Variants in TDRD10 observed in about 807,000 individuals in gnomAD.
TDRD10 encodes tudor domain containing 10, also known as tudor domain-containing protein 10.
A neutral mutation model predicts 48.0 loss-of-function variants in TDRD10; 40 were observed. That is an observed-to-expected ratio of 0.83 (90% CI 0.65 to 1.09). The LOEUF (loss-of-function observed/expected upper bound fraction) is 1.09. TDRD10 is among the 50% of genes least tolerant of loss of function. The pLI is 0.00. For missense variants in TDRD10, 378 were observed against 434.7 expected (o/e 0.87, Z 1.16); for synonymous variants, 162 against 170.4 (o/e 0.95, Z 0.38).
At chr1:154,518,588 C>T (rs1274721411) in intron 4 of TDRD10, among the ~76,000 whole-genome samples, 3 of 152,098 alleles carry the variant, frequency 2.0e-5, no homozygotes, top group African/African-American at 4.8e-5. Flanking sequence ...CCACCACGCC[C>T]GGCTAATTTT....
At chr1:154,530,195 C>T (rs1427276238) in intron 6 of TDRD10, among the ~76,000 whole-genome samples, 4 of 149,712 alleles carry the variant, frequency 2.7e-5, no homozygotes, top group African/African-American at 7.4e-5. Flanking sequence ...TTGTATTTTT[C>T]GTAGAGAGAG....
At chr1:154,519,039 G>A (rs1206019766) in intron 4 of TDRD10, among the ~76,000 whole-genome samples, 3 of 152,132 alleles carry the variant, frequency 2.0e-5, no homozygotes, top group Non-Finnish European at 4.4e-5. Flanking sequence ...CCATAGAGAC[G>A]TCATTTAACC....
At chr1:154,534,670 A>G (rs924901106) in intron 6 of TDRD10, 5 of 152,220 alleles carry the variant, frequency 3.3e-5, no homozygotes, top group Admixed American at 2.0e-4. Context: ...GCTTCAGTCA[A>G]TTTCCAGAGT....
At chr1:154,533,030 A>G (rs1694726633) in intron 6 of TDRD10, among the ~76,000 whole-genome samples, 1 of 152,338 alleles carries the variant, frequency 6.6e-6, no homozygotes. Context: ...ATGGAAGTCC[A>G]GGATTCCCAA....
chr1:154,518,529 G>A (rs1412579834), intron 4 of TDRD10, among the ~76,000 whole-genome samples: 1 of 152,066 alleles, frequency 6.6e-6, no homozygotes, highest in Non-Finnish European at 1.5e-5. Context: ...CCGGGTTCAC[G>A]CCATTCTCCT....
At chr1:154,542,194 T>C in intron 7 of TDRD10, 128 bp downstream of exon 7, 1 of 884,434 alleles carries the variant, frequency 1.1e-6, no homozygotes, top group South Asian at 1.8e-5. Flanking sequence ...GAAATATCCC[T>C]TTTCCCTTTC....
At chr1:154,541,271 G>A (rs1033677752) in intron 6 of TDRD10, among the ~76,000 whole-genome samples, 1 of 151,936 alleles carries the variant, frequency 6.6e-6, no homozygotes, top group Admixed American at 6.6e-5. Context: ...GAGGGATGGC[G>A]GGGAGGGCAG....
Position 154,544,787 on chromosome 1 carries a change from T to C in TDRD10, c.798-8T>C. On this transcript the variant is annotated splice_polypyrimidine_tract_variant and splice_region_variant and intron_variant, in intron 10 of 12. Coordinates refer to ENST00000368482, the MANE Select transcript of TDRD10 (RefSeq NM_182499.4). ...ATTGTCCTCTGTCTTTCTCTTTTCC[T>C]CTGCCAGGTGTTGGGTGCTGGACAG... 1.2e-6 allele frequency: 2 copies of C among 1,613,550 alleles called. No homozygotes were observed. The highest frequency in any genetic ancestry group is 2.2e-5 in the South Asian group (2 of 91,010).
At chr1:154,514,190 AAAAAT>A (rs934358994) in intron 4 of TDRD10, among the ~76,000 whole-genome samples, 7 of 152,330 alleles carry the variant, frequency 4.6e-5, no homozygotes, top group East Asian at 3.9e-4. Context: ...ACTCTGTCTC[AAAAAT>A]AAAATAAAAT....
At chr1:154,525,009 CT>C (rs1337683987) in intron 6 of TDRD10, among the ~76,000 whole-genome samples, 1 of 152,208 alleles carries the variant, frequency 6.6e-6, no homozygotes, top group Non-Finnish European at 1.5e-5. Context: ...GAGACTGCCA[CT>C]TTCTGCTTGG....
rs780298316 is a variant in TDRD10, at chr1:154,544,369, C to T, written c.652-3C>T. 10 of 1,579,062 alleles carry T rather than the reference C, an allele frequency of 6.3e-6. No homozygotes were observed. In the Middle Eastern group the frequency reaches 1.2e-3, roughly 185 times the overall value. On this transcript the variant is annotated splice_region_variant and splice_polypyrimidine_tract_variant and intron_variant, in intron 9 of 12. Coordinates refer to ENST00000368482, the MANE Select transcript of TDRD10 (RefSeq NM_182499.4). ...TGGGGCCGTTGCGTTTTGCACCCCA[C>T]AGGCTCTGCACCAGAACATGCAGGC...
At chr1:154,509,805 A>G in intron 4 of TDRD10, 2 of 985,404 alleles carry the variant, frequency 2.0e-6, no homozygotes, top group Non-Finnish European at 2.4e-6. Flanking sequence ...GGCTGGTCCA[A>G]CCTGTTACTT....
chr1:154,528,865 T>C (rs1694455623), intron 6 of TDRD10, among the ~76,000 whole-genome samples: 1 of 152,150 alleles, frequency 6.6e-6, no homozygotes, highest in South Asian at 2.1e-4. Context: ...TTATTTACAG[T>C]GTTAAGTGCA....
chr1:154,539,396 G>A (rs550938168), intron 6 of TDRD10, among the ~76,000 whole-genome samples: 266 of 152,108 alleles, frequency 1.7e-3, no homozygotes, highest in African/African-American at 6.1e-3. Flanking sequence ...CCGCCTCCCC[G>A]GGTTCAAGCA....
rs1035073246 is a variant in TDRD10, at chr1:154,544,110, G to A, written c.651G>A (p.Glu217=). Residue 217 remains glutamate (E), a splice_region_variant and synonymous_variant, in exon 9 of 13, where the codon GAG becomes GAA. Transcript: ENST00000368482. Reference sequence around the variant, plus strand: ...TTTTCTGGGCTATGCACGTCACTGAGGTATGGACTGGTTGTTGGCCCCCTC... The same window carrying A: ...TTTTCTGGGCTATGCACGTCACTGAAGTATGGACTGGTTGTTGGCCCCCTC... The part of the protein sequence containing the change: ...TPFFWAMHVT[E]ALHQNMQALF... 2 of 1,614,046 alleles carry A rather than the reference G, an allele frequency of 1.2e-6. No individual in the cohort carries two copies. The highest frequency in any genetic ancestry group is 1.3e-5 in the African/African-American group (1 of 74,928).
chr1:154,537,153 A>G (rs1694964592), intron 6 of TDRD10, among the ~76,000 whole-genome samples: 1 of 152,136 alleles, frequency 6.6e-6, no homozygotes, highest in African/African-American at 2.4e-5. Context: ...GGCTCCACTC[A>G]GCAGTCACCA....
intron 4 of TDRD10, among the ~76,000 whole-genome samples, chr1:154,517,259 T>C (rs899209518): frequency 1.3e-5 from 2 of 152,210 alleles, no homozygotes; most frequent in African/African-American, 4.8e-5. Flanking sequence ...TGCATATTTG[T>C]CTGTGGCTTG....
At chr1:154,515,949 T>G (rs1288020954) in intron 4 of TDRD10, among the ~76,000 whole-genome samples, 14 of 152,218 alleles carry the variant, frequency 9.2e-5, no homozygotes, top group African/African-American at 3.4e-4. Context: ...ACTCCTGACC[T>G]CAGGTGATCT....
At chr1:154,545,577 A>T (rs1695502116) in intron 11 of TDRD10, among the ~76,000 whole-genome samples, 1 of 152,056 alleles carries the variant, frequency 6.6e-6, no homozygotes, top group South Asian at 2.1e-4. Context: ...TATTTAAAAA[A>T]TTTCTTTTTT....
Sources: gnomAD v4.1 joint callset for allele counts (sites outside exome capture counted in the v4.1 genomes callset) on GRCh38, gnomAD v4.1.1 for gene constraint, MANE v1.5 for transcripts, NCBI Gene and HGNC (gene_info 2026-07-23, HGNC 2026-07-21) for gene names.